PDE1C: variants seen among roughly 807,000 people sequenced by gnomAD.
PDE1C encodes phosphodiesterase 1C, also known as dual specificity calcium/calmodulin-dependent 3',5'-cyclic nucleotide phosphodiesterase 1C.
A neutral mutation model predicts 93.1 loss-of-function variants in PDE1C; 62 were observed. The ratio of observed to expected loss-of-function variants is 0.67; its 90% CI spans 0.54 to 0.82. PDE1C has a LOEUF of 0.82. PDE1C is among the 40% of genes least tolerant of loss of function. PDE1C has a pLI of 0.00. For missense variants in PDE1C, 742 were observed against 884.6 expected (o/e 0.84, Z 2.04); for synonymous variants, 325 against 310.1 (o/e 1.05, Z -0.50).
intron 1 of PDE1C, among the ~76,000 whole-genome samples, chr7:32,218,164 T>C (rs531344227): frequency 5.3e-5 from 8 of 152,256 alleles, no homozygotes; most frequent in African/African-American, 1.9e-4. Context: ...ATCTCAGCAA[T>C]CCAGTTGAAA....
chr7:32,298,995 C>T, exon 1 of PDE1C: 10 of 1,268,512 alleles, frequency 7.9e-6, no homozygotes, highest in Non-Finnish European at 8.9e-6. Context: ...GTTCCAGAGG[C>T]GGCGAGAGGA....
chr7:31,730,479 AG>A, the PDE1C span, among the ~76,000 whole-genome samples: 2 of 152,172 alleles, frequency 1.3e-5, no homozygotes, highest in African/African-American at 4.8e-5. Flanking sequence ...GAAACTAACC[AG>A]GGTGTTTGTC....
intron 17 of PDE1C, among the ~76,000 whole-genome samples, chr7:31,760,035 T>C (rs754375200): frequency 7.2e-5 from 11 of 152,170 alleles, no homozygotes; most frequent in East Asian, 1.9e-4. Flanking sequence ...ATTAGGATTA[T>C]TTATATTAGT....
chr7:31,996,625 T>G (rs1784762000), intron 2 of PDE1C, among the ~76,000 whole-genome samples: 1 of 152,210 alleles, frequency 6.6e-6, no homozygotes, highest in African/African-American at 2.4e-5. Context: ...TGTGTGCACA[T>G]GTAAGTGTCT....
At chr7:31,697,244 G>C in the PDE1C span, 147 of 1,189,678 alleles carry the variant, frequency 1.2e-4, no homozygotes, top group African/African-American at 2.2e-3. Flanking sequence ...GAAGTGCTCT[G>C]GGGAGAAGCC....
At chr7:32,037,229 G>T (rs1009123481) in intron 2 of PDE1C, among the ~76,000 whole-genome samples, 5 of 152,084 alleles carry the variant, frequency 3.3e-5, no homozygotes, top group African/African-American at 1.2e-4. Flanking sequence ...ACAGACAAGT[G>T]GTCCACATAG....
intron 2 of PDE1C, among the ~76,000 whole-genome samples, chr7:32,023,015 C>T (rs1258145784): frequency 6.6e-6 from 1 of 151,242 alleles, no homozygotes; most frequent in Non-Finnish European, 1.5e-5. Flanking sequence ...TTTGCTCCCA[C>T]TCTTCCTCTT....
intron 1 of PDE1C, among the ~76,000 whole-genome samples, chr7:32,332,560 C>G (rs1241392333): frequency 1.3e-5 from 2 of 151,990 alleles, no homozygotes; most frequent in Non-Finnish European, 2.9e-5. Flanking sequence ...AATATGTACA[C>G]ATTTGTGCCA....
At chr7:32,416,882 T>C (rs1413819155) in intron 1 of PDE1C, among the ~76,000 whole-genome samples, 1 of 151,954 alleles carries the variant, frequency 6.6e-6, no homozygotes, top group African/African-American at 2.4e-5. Context: ...TGAGGAGAAA[T>C]TGCCAACAGT....
the PDE1C span, among the ~76,000 whole-genome samples, chr7:31,680,915 G>T: frequency 6.6e-6 from 1 of 152,168 alleles, no homozygotes; most frequent in Non-Finnish European, 1.5e-5. Flanking sequence ...GCCCAGTCAA[G>T]CATCAGAAAG....
At position 32,181,638 on chromosome 7, in the gene PDE1C, A is replaced by G. The variant is rs910522420; in HGVS notation, c.137-11682T>C. 1.5e-4 allele frequency among the ~76,000 whole-genome samples: 23 copies of G among 152,196 alleles called. No homozygotes were observed. In the East Asian group the frequency reaches 2.3e-3, roughly 15 times the overall value. ...CACAACATACCAGAATCTCTGGGAC[A>G]CATTCAAAGCAGTGTGTAGAGGGAA... On this transcript the variant is annotated intron_variant, in intron 2 of 18. Transcript: ENST00000396193.
chr7:31,691,690 G>A, the PDE1C span, among the ~76,000 whole-genome samples: 1 of 147,676 alleles, frequency 6.8e-6, no homozygotes, highest in Non-Finnish European at 1.5e-5. Context: ...AGAAAATAAA[G>A]ATCTATCCAA....
intron 1 of PDE1C, among the ~76,000 whole-genome samples, chr7:32,406,795 G>A (rs1785060852): frequency 6.6e-6 from 1 of 152,178 alleles, no homozygotes; most frequent in Non-Finnish European, 1.5e-5. Context: ...GGATTGCACA[G>A]GGTTTGGGCC....
At chr7:32,086,358 TACAA>T (rs1359346602) in intron 3 of PDE1C, among the ~76,000 whole-genome samples, 1 of 152,038 alleles carries the variant, frequency 6.6e-6, no homozygotes, top group African/African-American at 2.4e-5. Context: ...TAAAAGAGGA[TACAA>T]ACAAATGGAA....
intron 17 of PDE1C, among the ~76,000 whole-genome samples, chr7:31,766,313 G>A (rs925373902): frequency 5.3e-5 from 8 of 151,958 alleles, no homozygotes; most frequent in African/African-American, 1.9e-4. Context: ...GAACCTGGGA[G>A]GCGGAGCTTG....
rs942083926 is a variant in PDE1C at position 32,207,082 on chromosome 7, A to G, written c.136+2407T>C. Among the ~76,000 whole-genome samples, 14 of 152,134 alleles carry G rather than the reference A, an allele frequency of 9.2e-5. No individual in the cohort carries two copies. The East Asian group carries it at 2.3e-3, about 25-fold the overall frequency. ...TTGGAAGCCACTGCTTGAGCCTGCA[A>G]TGATGGGGCAGGGGTGGTGAAGGGG... On this transcript the variant is annotated intron_variant, in intron 2 of 18. Transcript: ENST00000396193.
chr7:31,824,791 C>T, intron 13 of PDE1C, 76 bp downstream of exon 13: 1 of 1,565,096 alleles, frequency 6.4e-7, no homozygotes, highest in Non-Finnish European at 8.7e-7. Context: ...ATACCATCCC[C>T]ATCCCCAGCA....
At chr7:31,637,025 G>C in the PDE1C span, among the ~76,000 whole-genome samples, 332 of 151,806 alleles carry the variant, frequency 2.2e-3, no homozygotes, top group Non-Finnish European at 3.7e-3. Flanking sequence ...TGAGAATGAT[G>C]GTTTCCAGCT....
At chr7:31,822,439 C>T (rs1789091488) in intron 14 of PDE1C, among the ~76,000 whole-genome samples, 1 of 152,092 alleles carries the variant, frequency 6.6e-6, no homozygotes, top group African/African-American at 2.4e-5. Context: ...CACATATGAA[C>T]AAAGGAATGT....
Sources: allele counts gnomAD v4.1 joint callset (sites outside exome capture counted in the v4.1 genomes callset), GRCh38; gene constraint gnomAD v4.1.1; transcripts MANE v1.5; gene names NCBI Gene and HGNC (gene_info 2026-07-23, HGNC 2026-07-21).